The following LEPR variants were observed in gnomAD, a reference collection of about 807,000 sequenced individuals.
The protein encoded by LEPR is OB receptor.
In LEPR, 56 loss-of-function variants were observed where a neutral mutation model predicts 114.7. The ratio of observed to expected loss-of-function variants is 0.49; its 90% CI spans 0.39 to 0.61. The LOEUF is 0.61. LEPR is among the 20% of genes least tolerant of loss of function. The pLI is 0.00. For missense variants in LEPR, 1,202 were observed against 1,352.9 expected, an observed-to-expected ratio of 0.89 and a Z score of 1.75; for synonymous variants, 443 against 461.4, an observed-to-expected ratio of 0.96 and a Z score of 0.51.
At chr1:65,519,442 G>A (rs1054013062) in intron 2 of LEPR, among the ~76,000 whole-genome samples, 1 of 151,980 alleles carries the variant, frequency 6.6e-6, no homozygotes, top group Non-Finnish European at 1.5e-5. Flanking sequence ...GAGCCACTGT[G>A]CCTGGTCTCC....
At chr1:65,451,499 T>C (rs1457263503) in intron 2 of LEPR, among the ~76,000 whole-genome samples, 5 of 152,104 alleles carry the variant, frequency 3.3e-5, no homozygotes, top group African/African-American at 1.2e-4. Flanking sequence ...TACATATGGC[T>C]AGCCAGTTTT....
intron 14 of LEPR, among the ~76,000 whole-genome samples, chr1:65,612,107 G>A (rs1466268365): frequency 6.6e-6 from 1 of 152,188 alleles, no homozygotes; most frequent in Non-Finnish European, 1.5e-5. Flanking sequence ...CCAAGCCTAT[G>A]CCTCTTAAAC....
At chr1:65,587,041 T>A in intron 5 of LEPR, among the ~76,000 whole-genome samples, 1 of 152,076 alleles carries the variant, frequency 6.6e-6, no homozygotes, top group East Asian at 1.9e-4. Context: ...TCAGTGTATT[T>A]AGAAAAGGAT....
At chr1:65,559,949 T>C (rs1163558570) in intron 2 of LEPR, among the ~76,000 whole-genome samples, 2 of 145,796 alleles carry the variant, frequency 1.4e-5, no homozygotes, top group Admixed American at 6.7e-5. Context: ...TTTTGGTTAC[T>C]GTAGCCTTGT....
In LEPR at chr1:65,637,168, A is replaced by G. The variant is rs147380894; in HGVS notation, c.*153A>G. The stretch of plus-strand genomic sequence containing the variant: ...TGTCTGTTTGTTCTCTCTTAGTAAC[A>G]TAGACAAAAAATTTGAGAAAGCCTT... On this transcript the variant is annotated 3_prime_UTR_variant, in exon 20 of 20. Coordinates refer to ENST00000349533, the MANE Select transcript of LEPR (RefSeq NM_002303.6). 409 of 860,120 alleles carry G rather than the reference A, an allele frequency of 4.8e-4. 2 individuals carry two copies. In the East Asian group the frequency reaches 5.6e-3, roughly 12 times the overall value. 53.3% of individuals were successfully genotyped at this position (860,120 alleles called of 1,614,324 possible). A position where few individuals can be genotyped will look rare whatever the true frequency, so the allele number is the denominator to read the frequency against.
At chr1:65,627,110 G>C (rs1158794413) in intron 19 of LEPR, among the ~76,000 whole-genome samples, 1 of 152,124 alleles carries the variant, frequency 6.6e-6, no homozygotes, top group Non-Finnish European at 1.5e-5. Flanking sequence ...GAGTGGTTCA[G>C]TAGCTTGTCT....
chr1:65,485,790 G>A (rs1647455740), intron 2 of LEPR, among the ~76,000 whole-genome samples: 1 of 152,054 alleles, frequency 6.6e-6, no homozygotes, highest in Non-Finnish European at 1.5e-5. Flanking sequence ...GAGCCATTGT[G>A]GGTCTCTTTG....
intron 2 of LEPR, among the ~76,000 whole-genome samples, chr1:65,489,281 ACTGT>A (rs950799313): frequency 6.6e-6 from 1 of 152,122 alleles, no homozygotes; most frequent in Non-Finnish European, 1.5e-5. Context: ...AGCATTTGTT[ACTGT>A]CTGTCTTTTG....
intron 2 of LEPR, among the ~76,000 whole-genome samples, chr1:65,545,149 T>A (rs780046506): frequency 0.017 from 2,414 of 144,632 alleles, 26 homozygotes; most frequent in Admixed American, 0.026. Context: ...TCATTTTTTA[T>A]GGCTGCATAG....
In LEPR at chr1:65,543,654, A is replaced by T. The variant is rs542323957; in HGVS notation, c.-20-21892A>T. On this transcript the variant is annotated intron_variant, in intron 2 of 19. Coordinates refer to ENST00000349533, the MANE Select transcript of LEPR (RefSeq NM_002303.6). ...TTGAGTTAATTTTTGTATAAGTTGT[A>T]AAGAAGGGGTCCAGTCTCAGTTTTC... Among the ~76,000 whole-genome samples the T allele has an allele frequency of 2.6e-5, 4 of 152,032 alleles. No individual in the cohort carries two copies. The South Asian group carries it at 8.3e-4, about 32-fold the overall frequency.
chr1:65,595,631 ATTATC>A (rs1451001401), intron 6 of LEPR, among the ~76,000 whole-genome samples: 7 of 152,092 alleles, frequency 4.6e-5, no homozygotes, highest in Admixed American at 6.6e-5. Flanking sequence ...GAATGTGAAA[ATTATC>A]TTATGCTCTT....
chr1:65,460,435 A>G (rs1383911973), intron 2 of LEPR, among the ~76,000 whole-genome samples: 1 of 152,132 alleles, frequency 6.6e-6, no homozygotes, highest in Non-Finnish European at 1.5e-5. Context: ...TTATCTCATT[A>G]CCCATTTTTT....
intron 15 of LEPR, among the ~76,000 whole-genome samples, chr1:65,617,579 G>T (rs1333331774): frequency 6.6e-6 from 1 of 152,188 alleles, no homozygotes; most frequent in Non-Finnish European, 1.5e-5. Flanking sequence ...GTAGAAATCC[G>T]CTGGAGGCTT....
At chr1:65,467,889 T>C (rs1647034854) in intron 2 of LEPR, among the ~76,000 whole-genome samples, 1 of 152,194 alleles carries the variant, frequency 6.6e-6, no homozygotes, top group Admixed American at 6.5e-5. Flanking sequence ...GCTAAGACTG[T>C]GGGAAAAGCA....
chr1:65,425,561 G>C (rs1646344794), intron 2 of LEPR, among the ~76,000 whole-genome samples, 183 bp downstream of exon 2: 1 of 152,152 alleles, frequency 6.6e-6, no homozygotes, highest in South Asian at 2.1e-4. Context: ...GTTAAAAATT[G>C]ATGTATTCAT....
intron 1 of LEPR, among the ~76,000 whole-genome samples, chr1:65,425,042 T>C (rs1346256247): frequency 6.6e-6 from 1 of 152,246 alleles, no homozygotes; most frequent in Non-Finnish European, 1.5e-5. Flanking sequence ...CCTTTTTTTC[T>C]TTCTTTTTTA....
At chr1:65,502,519 G>T (rs1490935124) in intron 2 of LEPR, among the ~76,000 whole-genome samples, 1 of 152,006 alleles carries the variant, frequency 6.6e-6, no homozygotes, top group Non-Finnish European at 1.5e-5. Flanking sequence ...TGCTATTCTG[G>T]GTGCTGACGA....
chr1:65,438,113 CTTTTTTTTT>C (rs36053447), intron 2 of LEPR, among the ~76,000 whole-genome samples: 1 of 87,776 alleles, frequency 1.1e-5, no homozygotes. Context: ...TCCTAGCCGC[CTTTTTTTTT>C]TTTTTTTTTT....
intron 2 of LEPR, among the ~76,000 whole-genome samples, chr1:65,456,438 G>T (rs78741666): frequency 6.6e-6 from 1 of 152,012 alleles, no homozygotes; most frequent in African/African-American, 2.4e-5. Context: ...TACAATCATG[G>T]ATTCATCTAT....
Sources: gnomAD v4.1 joint callset for allele counts (sites outside exome capture counted in the v4.1 genomes callset) on GRCh38, gnomAD v4.1.1 for gene constraint, MANE v1.5 for transcripts, NCBI Gene and HGNC (gene_info 2026-07-23, HGNC 2026-07-21) for gene names.